NEBL: variants seen among roughly 807,000 people sequenced by gnomAD.
NEBL encodes nebulette.
Under a neutral mutation model 140.2 loss-of-function variants are expected in NEBL, and 122 were observed. That is an observed-to-expected ratio of 0.87 (90% CI 0.75 to 1.01). The LOEUF (loss-of-function observed/expected upper bound fraction) is 1.01, where lower values mean the gene tolerates loss of function less well. Ranked by LOEUF, NEBL falls within the 50% of genes least tolerant of loss-of-function variation. The pLI is 0.00. For synonymous variants in NEBL, 436 were observed against 398.9 expected (o/e 1.09, Z -1.11); for missense variants, 1,365 against 1,231.3 (o/e 1.11, Z -1.62).
chr10:21,001,630 CTT>C (rs111608296), intron 3 of NEBL, among the ~76,000 whole-genome samples: 5 of 144,770 alleles, frequency 3.5e-5, no homozygotes, highest in African/African-American at 5.0e-5. Flanking sequence ...ATACTCACAA[CTT>C]TTTTTTTTTT....
rs769670807 is a variant in NEBL at position 20,808,843 on chromosome 10, T to A, written c.2612-184A>T. ...GCATTGCATCAACTACATGAATAAC[T>A]TAACCATCGTTTTATGCTCTTTTAA... On this transcript the variant is annotated intron_variant, in intron 25 of 27. Transcript: ENST00000377122. Among the ~76,000 whole-genome samples, 15 of 152,316 alleles carry A rather than the reference T, an allele frequency of 9.8e-5. No individual in the cohort carries two copies. In the Middle Eastern group the frequency reaches 0.014, roughly 138 times the overall value.
intron 3 of NEBL, among the ~76,000 whole-genome samples, chr10:20,999,247 G>A (rs1589123163): frequency 6.6e-6 from 1 of 151,688 alleles, no homozygotes; most frequent in Admixed American, 6.6e-5. Context: ...TTTATTGATT[G>A]CCCAATTATG....
intron 2 of NEBL, among the ~76,000 whole-genome samples, chr10:21,041,748 T>C (rs1834276385): frequency 2.6e-5 from 4 of 152,186 alleles, no homozygotes; most frequent in Admixed American, 1.3e-4. Flanking sequence ...AGTATACTTA[T>C]AGTTATTTCT....
intron 2 of NEBL, among the ~76,000 whole-genome samples, chr10:21,147,183 A>G (rs1839931614): frequency 6.6e-6 from 1 of 152,104 alleles, no homozygotes; most frequent in African/African-American, 2.4e-5. Flanking sequence ...ATCTTCCCCA[A>G]AGCAAAACCC....
chr10:21,105,823 T>C (rs144770461), intron 2 of NEBL, among the ~76,000 whole-genome samples: 117 of 152,330 alleles, frequency 7.7e-4, no homozygotes, highest in African/African-American at 2.3e-3. Flanking sequence ...AGCGTTCCTA[T>C]TTCTCTACAT....
chr10:21,217,554 G>C (rs1842011245), intron 3 of NEBL, among the ~76,000 whole-genome samples: 1 of 152,184 alleles, frequency 6.6e-6, no homozygotes, highest in African/African-American at 2.4e-5. Context: ...AGAAAAAAAA[G>C]TGTAGGCTTT....
intron 3 of NEBL, among the ~76,000 whole-genome samples, chr10:21,207,434 A>C (rs1589328928): frequency 6.6e-6 from 1 of 152,242 alleles, no homozygotes; most frequent in East Asian, 1.9e-4. Flanking sequence ...CAGAATTCTT[A>C]TTAACTCTAT....
chr10:21,285,891 C>T (rs1017440724), intron 1 of NEBL, among the ~76,000 whole-genome samples: 10 of 152,178 alleles, frequency 6.6e-5, no homozygotes, highest in African/African-American at 1.9e-4. Context: ...ACAGCCACCC[C>T]GGACCCCACA....
chr10:21,278,904 G>A (rs1842957088), intron 1 of NEBL, among the ~76,000 whole-genome samples: 1 of 152,076 alleles, frequency 6.6e-6, no homozygotes, highest in Non-Finnish European at 1.5e-5. Flanking sequence ...GCCTCCAGGG[G>A]GCGCTATACC....
intron 3 of NEBL, among the ~76,000 whole-genome samples, chr10:21,195,313 A>G (rs1841631427): frequency 6.6e-6 from 1 of 152,172 alleles, no homozygotes; most frequent in African/African-American, 2.4e-5. Context: ...GAGGAAATAC[A>G]CCTAGCTCAA....
intron 2 of NEBL, among the ~76,000 whole-genome samples, chr10:21,166,924 A>G (rs1840803600): frequency 6.6e-6 from 1 of 152,214 alleles, no homozygotes; most frequent in Non-Finnish European, 1.5e-5. Context: ...AGGAAAATAG[A>G]TGGTGGGAAT....
At chr10:20,820,974 C>A (rs532528796) in intron 19 of NEBL, among the ~76,000 whole-genome samples, 7 of 152,228 alleles carry the variant, frequency 4.6e-5, no homozygotes, top group African/African-American at 1.7e-4. Flanking sequence ...TGGCCTCTTT[C>A]CTCGATATGT....
chr10:21,251,955 C>T (rs1842593938), intron 1 of NEBL, among the ~76,000 whole-genome samples: 1 of 152,108 alleles, frequency 6.6e-6, no homozygotes, highest in Non-Finnish European at 1.5e-5. Context: ...TCTCCACTTC[C>T]CTCTCTCCCC....
At chr10:20,941,573 G>C (rs923596124) in intron 4 of NEBL, among the ~76,000 whole-genome samples, 9 of 151,108 alleles carry the variant, frequency 6.0e-5, no homozygotes, top group African/African-American at 2.2e-4. Flanking sequence ...AGTGTTGGAA[G>C]TTCTGGCCAG....
intron 2 of NEBL, among the ~76,000 whole-genome samples, chr10:21,089,833 A>G (rs1317017795): frequency 1.8e-5 from 2 of 109,390 alleles, no homozygotes; most frequent in African/African-American, 1.5e-4. Context: ...AAACATGAAA[A>G]CAGATGGGTT....
At chr10:21,285,346 T>A (rs1843042020) in intron 1 of NEBL, among the ~76,000 whole-genome samples, 1 of 152,172 alleles carries the variant, frequency 6.6e-6, no homozygotes. Context: ...CTCTGCTGAC[T>A]GAGATAGATG....
intron 2 of NEBL, among the ~76,000 whole-genome samples, chr10:21,169,564 A>T (rs1306051820): frequency 6.6e-6 from 1 of 152,190 alleles, no homozygotes; most frequent in East Asian, 1.9e-4. Context: ...CAGACTACAG[A>T]CTGACAGCAG....
intron 1 of NEBL, among the ~76,000 whole-genome samples, chr10:21,257,390 C>T (rs1358206867): frequency 6.6e-6 from 1 of 152,174 alleles, no homozygotes; most frequent in Non-Finnish European, 1.5e-5. Context: ...TTAGCCAAGC[C>T]ACTTCAAGCA....
chr10:21,036,720 G>A (rs1294050980), intron 2 of NEBL, among the ~76,000 whole-genome samples: 1 of 151,966 alleles, frequency 6.6e-6, no homozygotes, highest in Non-Finnish European at 1.5e-5. Flanking sequence ...TCCAGCAGAA[G>A]AGGCATCTAC....
Sources: gnomAD v4.1 joint callset for allele counts (sites outside exome capture counted in the v4.1 genomes callset) on GRCh38, gnomAD v4.1.1 for gene constraint, MANE v1.5 for transcripts, NCBI Gene and HGNC (gene_info 2026-07-23, HGNC 2026-07-21) for gene names.